Variants in CHRNA7 observed in about 807,000 individuals in gnomAD.
The protein encoded by CHRNA7 is cholinergic receptor nicotinic alpha 7 subunit.
Under a neutral mutation model 48.0 loss-of-function variants are expected in CHRNA7, and 17 were observed. The observed-to-expected ratio is 0.35, with a 90% CI of 0.24 to 0.53. The LOEUF (loss-of-function observed/expected upper bound fraction) is 0.53, where lower values mean the gene tolerates loss of function less well. Ranked by LOEUF, CHRNA7 falls within the 20% of genes least tolerant of loss-of-function variation. The pLI, the probability that CHRNA7 is intolerant of heterozygous loss-of-function variation, is 0.92. For synonymous variants in CHRNA7, 75 were observed against 242.3 expected (o/e 0.31, Z 6.41); for missense variants, 155 against 577.7 (o/e 0.27, Z 7.50).
At chr15:32,074,454 T>C (rs1001210812) in intron 2 of CHRNA7, among the ~76,000 whole-genome samples, 2 of 150,492 alleles carry the variant, frequency 1.3e-5, no homozygotes, top group Non-Finnish European at 3.0e-5. Context: ...TTTCCTATTT[T>C]AAGAAGAAAT....
chr15:32,046,087 G>C (rs2049539418), intron 2 of CHRNA7, among the ~76,000 whole-genome samples: 7 of 151,830 alleles, frequency 4.6e-5, no homozygotes, highest in Admixed American at 1.3e-4. Context: ...ATTTGGCTTG[G>C]TTCCAAGTCT....
rs28421382 is a variant in CHRNA7 at position 32,091,989 on chromosome 15, C to T, written c.196-9314C>T. 1.6e-3 allele frequency among the ~76,000 whole-genome samples: 245 copies of T among 152,232 alleles called. 1 individual carries two copies. The highest frequency in any genetic ancestry group is 2.4e-3 in the Non-Finnish European group (161 of 68,022). ...TTTCTAGGACCAGAAGCAGGGCCCC[C>T]ATGTATTATCCTGGCATACTTAACT... On this transcript the variant is annotated intron_variant, in intron 2 of 9. Coordinates refer to ENST00000306901, the MANE Select transcript of CHRNA7 (RefSeq NM_000746.6).
chr15:32,114,189 G>A (rs2050828736), intron 4 of CHRNA7, among the ~76,000 whole-genome samples: 1 of 150,980 alleles, frequency 6.6e-6, no homozygotes. Flanking sequence ...TGTATAACAT[G>A]TTGGTGGAAT....
chr15:32,116,454 C>G (rs965759336), intron 4 of CHRNA7, among the ~76,000 whole-genome samples: 1 of 152,154 alleles, frequency 6.6e-6, no homozygotes, highest in African/African-American at 2.4e-5. Context: ...AGGATGGGCA[C>G]GAATAAAAGC....
At chr15:32,046,402 CATTTCT>C (rs1359448621) in intron 2 of CHRNA7, among the ~76,000 whole-genome samples, 2 of 148,128 alleles carry the variant, frequency 1.4e-5, no homozygotes, top group African/African-American at 5.1e-5. Context: ...TTTTGATTTG[CATTTCT>C]CTGATGGCCA....
chr15:32,145,280 C>A (rs1413595115), intron 4 of CHRNA7, among the ~76,000 whole-genome samples: 1 of 152,174 alleles, frequency 6.6e-6, no homozygotes, highest in Non-Finnish European at 1.5e-5. Flanking sequence ...CCTGATCCTT[C>A]TTCTTGAAGC....
chr15:32,082,327 T>C (rs1252725395), intron 2 of CHRNA7, among the ~76,000 whole-genome samples: 1 of 81,142 alleles, frequency 1.2e-5, no homozygotes, highest in Non-Finnish European at 2.9e-5. Flanking sequence ...ACTCCAATTA[T>C]ATGATTATTA....
At chr15:32,059,856 T>C (rs531749158) in intron 2 of CHRNA7, among the ~76,000 whole-genome samples, 1 of 142,504 alleles carries the variant, frequency 7.0e-6, no homozygotes, top group Non-Finnish European at 1.5e-5. Context: ...AAAAAGGCTA[T>C]TTAGGACATT....
intron 4 of CHRNA7, among the ~76,000 whole-genome samples, chr15:32,122,032 A>G (rs1455574694): frequency 6.6e-6 from 1 of 152,200 alleles, no homozygotes; most frequent in Admixed American, 6.5e-5. Context: ...TGTAAACATC[A>G]CACGATGCTG....
intron 3 of CHRNA7, among the ~76,000 whole-genome samples, chr15:32,110,207 G>A (rs1012634325): frequency 6.6e-6 from 1 of 152,224 alleles, no homozygotes; most frequent in Non-Finnish European, 1.5e-5. Flanking sequence ...TGTGCCCAGG[G>A]CAAGGGAGAG....
chr15:32,070,608 A>G (rs998693158), intron 2 of CHRNA7, among the ~76,000 whole-genome samples: 2 of 142,820 alleles, frequency 1.4e-5, no homozygotes, highest in Non-Finnish European at 3.1e-5. Flanking sequence ...TAACATTCAC[A>G]TTTAAGTCTG....
chr15:32,168,772 C>CCG lies in CHRNA7; in HGVS notation c.*314_*315insCG. On this transcript the variant is annotated 3_prime_UTR_variant, in exon 10 of 10. Transcript: ENST00000306901. ...CTTCGGAGAGCTCCCCATGGCTCCT[C>CCG]ACCACCGAGACAGTTGGTTTTGCAT... The CCG allele has an allele frequency of 3.1e-5, 1 of 32,696 alleles. No individual in the cohort carries two copies. The highest frequency in any genetic ancestry group is 4.3e-4 in the South Asian group (1 of 2,340). The allele number at this position is 32,696 out of a possible 1,614,324, so 2.0% of individuals were successfully genotyped here.
chr15:32,088,546 C>T (rs996203758), intron 2 of CHRNA7, among the ~76,000 whole-genome samples: 3 of 152,166 alleles, frequency 2.0e-5, no homozygotes, highest in Non-Finnish European at 4.4e-5. Context: ...TGCATTCTTA[C>T]CAGCAATGAA....
At chr15:32,092,830 A>G (rs1428563045) in intron 2 of CHRNA7, among the ~76,000 whole-genome samples, 1 of 152,120 alleles carries the variant, frequency 6.6e-6, no homozygotes, top group East Asian at 1.9e-4. Context: ...CCGGTTCCAT[A>G]CCAAGGGCTC....
intron 4 of CHRNA7, among the ~76,000 whole-genome samples, chr15:32,136,847 C>T (rs1228753867): frequency 7.1e-5 from 10 of 140,638 alleles, no homozygotes; most frequent in Admixed American, 6.4e-4. Context: ...CCGGCTAACA[C>T]GGTGAAACCC....
At chr15:32,074,890 C>T (rs2050113576) in intron 2 of CHRNA7, among the ~76,000 whole-genome samples, 1 of 152,060 alleles carries the variant, frequency 6.6e-6, no homozygotes, top group Non-Finnish European at 1.5e-5. Flanking sequence ...CTCAGGTGAT[C>T]CACCCACCTC....
intron 2 of CHRNA7, among the ~76,000 whole-genome samples, chr15:32,053,398 AAAG>A (rs376406558): frequency 2.9e-3 from 435 of 152,356 alleles, no homozygotes; most frequent in Non-Finnish European, 4.9e-3. Context: ...ACTCCTCCTC[AAAG>A]AAGAGGGAAG....
intron 2 of CHRNA7, among the ~76,000 whole-genome samples, chr15:32,047,795 T>C (rs2049581661): frequency 6.6e-6 from 1 of 152,226 alleles, no homozygotes; most frequent in Non-Finnish European, 1.5e-5. Context: ...CAGCATGATA[T>C]TGACTGTGGG....
intron 4 of CHRNA7, among the ~76,000 whole-genome samples, chr15:32,116,925 C>T (rs2050881595): frequency 6.6e-6 from 1 of 152,176 alleles, no homozygotes; most frequent in South Asian, 2.1e-4. Context: ...ATTTTCCTGA[C>T]CCTGTGGCTG....
Sources: allele counts gnomAD v4.1 joint callset (sites outside exome capture counted in the v4.1 genomes callset), GRCh38; gene constraint gnomAD v4.1.1; transcripts MANE v1.5; gene names NCBI Gene and HGNC (gene_info 2026-07-23, HGNC 2026-07-21).